The following RYR3 variants were observed in gnomAD, a reference collection of about 807,000 sequenced individuals.
RYR3 encodes brain ryanodine receptor-calcium release channel.
Under a neutral mutation model 584.3 loss-of-function variants are expected in RYR3, and 207 were observed. The observed-to-expected ratio is 0.35, with a 90% CI of 0.32 to 0.40. RYR3 has a LOEUF of 0.40. Among genes scored for constraint, RYR3 ranks in the 10% least tolerant of loss-of-function variants. The pLI is 1.00. For missense variants in RYR3, 5,616 were observed against 6,089.2 expected (o/e 0.92, Z 2.59); for synonymous variants, 2,416 against 2,248.5 (o/e 1.07, Z -2.11).
chr15:33,632,999 T>C lies in RYR3; in HGVS notation c.2918T>C (p.Val973Ala). Residue 973 changes from valine to alanine, a missense_variant, in exon 24 of 104, where the codon GTG becomes GCG. Physicochemically the swap from Val to Ala is moderately conservative, Grantham distance 64 (BLOSUM62 0). Coordinates refer to ENST00000634891, the MANE Select transcript of RYR3 (RefSeq NM_001036.6). ...YKPAPLDLSD[V>A]KLLPPQEILV... ...CCAGCCCCTTTGGATTTGTCTGATG[T>C]GAAGCTGTTACCTCCTCAAGAAATT... The C allele has an allele frequency of 6.2e-7, 1 of 1,614,010 alleles. No homozygotes were observed. Among genetic ancestry groups the C allele is most frequent in the Non-Finnish European group, 8.5e-7 (1 of 1,179,862 alleles).
At chr15:33,697,583 C>G (rs1455171923) in intron 39 of RYR3, among the ~76,000 whole-genome samples, 5 of 152,064 alleles carry the variant, frequency 3.3e-5, no homozygotes, top group Admixed American at 2.6e-4. Flanking sequence ...CCAAAAGCTT[C>G]ATTGATATCT....
chr15:33,431,680 C>T (rs550696107), intron 1 of RYR3, among the ~76,000 whole-genome samples: 11 of 152,160 alleles, frequency 7.2e-5, no homozygotes, highest in African/African-American at 2.7e-4. Flanking sequence ...GTTGGAGGAT[C>T]GCTTGAGACA....
rs1172921486 is a variant in RYR3 at position 33,635,598 on chromosome 15, T to G, written c.3176-16T>G. The G allele has an allele frequency of 1.2e-6, 2 of 1,609,024 alleles. No homozygotes were observed. The highest frequency in any genetic ancestry group is 2.7e-5 in the African/African-American group (2 of 74,880). On this transcript the variant is annotated splice_polypyrimidine_tract_variant and intron_variant, in intron 25 of 103. Coordinates refer to ENST00000634891, the MANE Select transcript of RYR3 (RefSeq NM_001036.6). ...TTCCCTTCCACACCCTCTGTTCGCCTTTCTTCTCACAATAGCTGACTCGGC... is the reference window on the plus strand; with the variant it reads ...TTCCCTTCCACACCCTCTGTTCGCCGTTCTTCTCACAATAGCTGACTCGGC...
chr15:33,588,684 A>G (rs999296861), intron 16 of RYR3, among the ~76,000 whole-genome samples: 1 of 152,200 alleles, frequency 6.6e-6, no homozygotes, highest in African/African-American at 2.4e-5. Flanking sequence ...GCTCCCACTT[A>G]TAAGTGAGAA....
intron 60 of RYR3, among the ~76,000 whole-genome samples, chr15:33,764,455 A>G (rs191967033): frequency 1.3e-5 from 2 of 152,242 alleles, no homozygotes; most frequent in African/African-American, 4.8e-5. Context: ...GAGGGATAGC[A>G]TTAGGAGAAA....
At chr15:33,375,840 G>A (rs1191772217) in intron 1 of RYR3, among the ~76,000 whole-genome samples, 3 of 152,126 alleles carry the variant, frequency 2.0e-5, no homozygotes, top group African/African-American at 4.8e-5. Flanking sequence ...CGAGGCGGGC[G>A]GATCATGAGG....
At chr15:33,770,023 A>AG (rs917580240) in intron 62 of RYR3, among the ~76,000 whole-genome samples, 5 of 151,996 alleles carry the variant, frequency 3.3e-5, no homozygotes, top group African/African-American at 1.2e-4. Flanking sequence ...CCCATTAAGA[A>AG]GGGTCCTTGT....
intron 1 of RYR3, among the ~76,000 whole-genome samples, chr15:33,442,706 A>G (rs551156552): frequency 6.6e-6 from 1 of 152,370 alleles, no homozygotes; most frequent in African/African-American, 2.4e-5. Flanking sequence ...CAGAAATTTT[A>G]ACCATAGCAG....
chr15:33,771,931 A>T lies in RYR3; in HGVS notation c.8828A>T (p.Lys2943Met). 1.2e-6 allele frequency: 2 copies of T among 1,611,076 alleles called. No individual in the cohort carries two copies. Among genetic ancestry groups the T allele is most frequent in the Non-Finnish European group, 8.5e-7 (1 of 1,178,380 alleles). ...TTGTTTGCTTGCAGGACTGTCATGA[A>T]GTCAGGCTCAGAGCTGGTGAAGGCT... The part of the protein sequence containing the change: ...AQTLDTRTVM[K>M]SGSELVKAGL... The change falls in exon 63 of 104, where the codon AAG becomes ATG. Residue 2943 changes from lysine to methionine, a missense_variant. This residue lies in a region of RYR3 where 1,280 missense variants were observed against 1,426.2 expected (regional missense o/e 0.90). Transcript: ENST00000634891.
At chr15:33,538,972 T>C (rs891773317) in intron 5 of RYR3, among the ~76,000 whole-genome samples, 42 of 152,232 alleles carry the variant, frequency 2.8e-4, no homozygotes, top group African/African-American at 9.9e-4. Flanking sequence ...AGTAGACCAA[T>C]GACATAGATT....
At chr15:33,439,890 G>GA (rs201903879) in intron 1 of RYR3, among the ~76,000 whole-genome samples, 1,597 of 152,262 alleles carry the variant, frequency 0.01, 22 homozygotes, top group African/African-American at 0.036. Context: ...TGTTCTTATG[G>GA]AAAAAAGTGC....
chr15:33,829,545 G>A (rs570646117), intron 85 of RYR3, among the ~76,000 whole-genome samples: 9 of 152,016 alleles, frequency 5.9e-5, no homozygotes, highest in East Asian at 3.9e-4. Context: ...TCAGGAGATC[G>A]AGACCATCCT....
At chr15:33,502,941 T>G (rs1351882803) in intron 2 of RYR3, among the ~76,000 whole-genome samples, 1 of 152,200 alleles carries the variant, frequency 6.6e-6, no homozygotes, top group East Asian at 1.9e-4. Flanking sequence ...CATAAAGTAC[T>G]CAATAAATAT....
chr15:33,371,041 A>G (rs955946242), intron 1 of RYR3, among the ~76,000 whole-genome samples: 9 of 151,994 alleles, frequency 5.9e-5, no homozygotes, highest in African/African-American at 2.2e-4. Flanking sequence ...GACTGAATGA[A>G]TGGGCCCAAG....
intron 1 of RYR3, among the ~76,000 whole-genome samples, chr15:33,352,336 C>A (rs1048786250): frequency 9.2e-5 from 14 of 151,862 alleles, no homozygotes; most frequent in Admixed American, 2.0e-4. Flanking sequence ...ATTTTATGGC[C>A]ATTTTCTTTA....
At chr15:33,433,230 A>G (rs2045356750) in intron 1 of RYR3, among the ~76,000 whole-genome samples, 1 of 152,178 alleles carries the variant, frequency 6.6e-6, no homozygotes, top group Non-Finnish European at 1.5e-5. Flanking sequence ...GGGTCCCTAT[A>G]CTGCTTCACT....
chr15:33,749,504 C>T (rs761851372), intron 55 of RYR3, among the ~76,000 whole-genome samples: 2 of 152,126 alleles, frequency 1.3e-5, no homozygotes, highest in Non-Finnish European at 1.5e-5. Flanking sequence ...TTTTACAAGC[C>T]TTACAAAGAT....
chr15:33,432,090 T>TC (rs2045205431), intron 1 of RYR3, among the ~76,000 whole-genome samples: 1 of 152,210 alleles, frequency 6.6e-6, no homozygotes, highest in Non-Finnish European at 1.5e-5. Flanking sequence ...CTTGTTTGAC[T>TC]CATAGATGTC....
At chr15:33,699,459 A>G (rs940866624) in intron 40 of RYR3, among the ~76,000 whole-genome samples, 10 of 152,038 alleles carry the variant, frequency 6.6e-5, no homozygotes, top group African/African-American at 2.2e-4. Context: ...GCCTGGTAGA[A>G]GGTCATGCAA....
Sources: allele counts gnomAD v4.1 joint callset (sites outside exome capture counted in the v4.1 genomes callset), GRCh38; gene constraint gnomAD v4.1.1; regional missense constraint gnomAD v4.1.1; transcripts MANE v1.5; gene names NCBI Gene and HGNC (gene_info 2026-07-23, HGNC 2026-07-21).